ADAMTSL1: variants seen among roughly 807,000 people sequenced by gnomAD.
The protein encoded by ADAMTSL1 is ADAMTS like 1, also known as ADAMTS-like protein 1.
A neutral mutation model predicts 201.8 loss-of-function variants in ADAMTSL1; 126 were observed. The ratio of observed to expected loss-of-function variants is 0.62; its 90% CI spans 0.54 to 0.72. ADAMTSL1 has a LOEUF of 0.72. ADAMTSL1 is among the 30% of genes least tolerant of loss of function. ADAMTSL1 has a pLI of 0.00. For missense variants in ADAMTSL1, 2,679 were observed against 2,277.8 expected, an observed-to-expected ratio of 1.18 and a Z score of -3.59; for synonymous variants, 1,121 against 903.4, an observed-to-expected ratio of 1.24 and a Z score of -4.32.
In ADAMTSL1 at chr9:18,708,922, G is replaced by A. The variant is rs563536507; in HGVS notation, c.1876+1874G>A. ...ATTTGAAGTGTCGAGTGTATGTGGA[G>A]TGTATTTAATTTAAAATGTTTTTAG... On this transcript the variant is annotated intron_variant, in intron 14 of 28. Transcript: ENST00000380548. Among the ~76,000 whole-genome samples, 255 of 152,324 alleles carry A rather than the reference G, an allele frequency of 1.7e-3. 2 individuals are homozygous for A. Among genetic ancestry groups the A allele is most frequent in the African/African-American group, 5.8e-3 (240 of 41,586 alleles).
chr9:18,643,844 G>T (rs1168460990), intron 7 of ADAMTSL1, among the ~76,000 whole-genome samples: 1 of 151,466 alleles, frequency 6.6e-6, no homozygotes, highest in Admixed American at 6.6e-5. Context: ...TTTTGTTCTA[G>T]ATTGCTTTGG....
rs568532571 is a variant in ADAMTSL1, at chr9:18,806,144, C to T, written c.3805+10620C>T. Among the ~76,000 whole-genome samples the T allele has an allele frequency of 1.2e-4, 19 of 152,282 alleles. No homozygotes were observed. In the South Asian group the frequency reaches 2.3e-3, roughly 18 times the overall value. ...GATCCATCCATTCAGGGTCAACAAA[C>T]GTTCATTAAGCCTGGGTTAAATGGC... On this transcript the variant is annotated intron_variant, in intron 20 of 28. Transcript: ENST00000380548.
chr9:18,350,627 A>C (rs1410269909), intron 2 of ADAMTSL1, among the ~76,000 whole-genome samples: 1 of 152,144 alleles, frequency 6.6e-6, no homozygotes, highest in Admixed American at 6.6e-5. Context: ...GGAATAAAGC[A>C]AGTTCTGGAG....
At chr9:18,238,698 T>C (rs1205359560) in intron 2 of ADAMTSL1, among the ~76,000 whole-genome samples, 2 of 152,142 alleles carry the variant, frequency 1.3e-5, no homozygotes, top group East Asian at 3.9e-4. Context: ...TTTCTTTAAG[T>C]TGTGAATTGA....
chr9:18,122,909 T>C (rs533355139), intron 1 of ADAMTSL1, among the ~76,000 whole-genome samples: 1 of 152,250 alleles, frequency 6.6e-6, no homozygotes, highest in East Asian at 1.9e-4. Flanking sequence ...TGGCTAATTT[T>C]TGTACTTTTT....
intron 1 of ADAMTSL1, among the ~76,000 whole-genome samples, chr9:18,136,253 G>A (rs575697289): frequency 1.8e-4 from 28 of 152,248 alleles, no homozygotes; most frequent in South Asian, 1.7e-3. Context: ...AATTAAGAAC[G>A]TCAGAGGTGT....
chr9:18,701,351 C>G (rs952439444), intron 13 of ADAMTSL1, among the ~76,000 whole-genome samples: 2 of 151,700 alleles, frequency 1.3e-5, no homozygotes, highest in African/African-American at 4.8e-5. Context: ...TCCTGAATAG[C>G]TGGGATCACA....
chr9:18,596,617 T>A (rs1824278999), intron 4 of ADAMTSL1, among the ~76,000 whole-genome samples: 1 of 152,220 alleles, frequency 6.6e-6, no homozygotes, highest in Admixed American at 6.5e-5. Context: ...TTCACATATG[T>A]TACCACCTTT....
At position 18,381,984 on chromosome 9, in the gene ADAMTSL1, A is replaced by G. The variant is rs370508947; in HGVS notation, c.208-122845A>G. ...TACTGTTTCTAGACAGGTCAATGAA[A>G]TATTTTTCCTGTACTACATCTTGGC... On this transcript the variant is annotated intron_variant, in intron 2 of 29. Coordinates refer to the ADAMTSL1 transcript ENST00000680146. Among the ~76,000 whole-genome samples the G allele has an allele frequency of 2.0e-5, 3 of 152,272 alleles. No homozygotes were observed. The South Asian group carries it at 6.2e-4, about 32-fold the overall frequency.
intron 1 of ADAMTSL1, among the ~76,000 whole-genome samples, chr9:18,109,930 T>A (rs1824931423): frequency 6.6e-6 from 1 of 152,158 alleles, no homozygotes; most frequent in Admixed American, 6.5e-5. Flanking sequence ...CAGTATCACT[T>A]TTCACTGTTG....
chr9:18,186,171 T>C (rs1304284599), intron 2 of ADAMTSL1, among the ~76,000 whole-genome samples: 1 of 152,176 alleles, frequency 6.6e-6, no homozygotes, highest in Non-Finnish European at 1.5e-5. Context: ...CAAGACAGAA[T>C]GGCTAATGAT....
At chr9:18,071,197 C>T (rs903461442) in intron 1 of ADAMTSL1, among the ~76,000 whole-genome samples, 1 of 152,142 alleles carries the variant, frequency 6.6e-6, no homozygotes, top group Admixed American at 6.5e-5. Flanking sequence ...GACAATAGTC[C>T]CATGAAAACT....
chr9:18,765,088 G>A (rs1013576362), intron 16 of ADAMTSL1, among the ~76,000 whole-genome samples: 2 of 152,168 alleles, frequency 1.3e-5, no homozygotes, highest in Admixed American at 1.3e-4. Flanking sequence ...AATTCACTAA[G>A]AAACTCTAAC....
intron 1 of ADAMTSL1, among the ~76,000 whole-genome samples, chr9:18,048,782 G>T (rs893207919): frequency 2.6e-5 from 4 of 152,170 alleles, no homozygotes; most frequent in African/African-American, 9.7e-5. Flanking sequence ...ACATAGTCAT[G>T]TGCTTCAGGA....
At chr9:18,627,010 C>G (rs1252953225) in intron 5 of ADAMTSL1, among the ~76,000 whole-genome samples, 2 of 149,836 alleles carry the variant, frequency 1.3e-5, no homozygotes, top group East Asian at 2.0e-4. Flanking sequence ...GGGTCTCACT[C>G]TGTCACTGAG....
At chr9:18,219,785 T>A (rs1287233406) in intron 2 of ADAMTSL1, among the ~76,000 whole-genome samples, 1 of 152,170 alleles carries the variant, frequency 6.6e-6, no homozygotes, top group Non-Finnish European at 1.5e-5. Flanking sequence ...TATAAAAATA[T>A]CTTTTTAAAT....
intron 2 of ADAMTSL1, among the ~76,000 whole-genome samples, chr9:18,443,460 A>T (rs1316758923): frequency 6.6e-6 from 1 of 152,226 alleles, no homozygotes; most frequent in Non-Finnish European, 1.5e-5. Flanking sequence ...GTAGATTAAA[A>T]GGCAAAGTTA....
intron 3 of ADAMTSL1, among the ~76,000 whole-genome samples, chr9:18,555,287 A>C (rs1023731279): frequency 1.3e-5 from 2 of 151,912 alleles, no homozygotes; most frequent in Non-Finnish European, 2.9e-5. Context: ...ATCCTTTTAG[A>C]ATCGACTTCC....
intron 1 of ADAMTSL1, among the ~76,000 whole-genome samples, chr9:18,125,553 T>C (rs941711381): frequency 6.6e-6 from 1 of 152,198 alleles, no homozygotes; most frequent in Non-Finnish European, 1.5e-5. Context: ...AGTTTTATAA[T>C]TTTAGCTTTT....
Sources: allele counts gnomAD v4.1 joint callset (sites outside exome capture counted in the v4.1 genomes callset), GRCh38; gene constraint gnomAD v4.1.1; transcripts MANE v1.5; gene names NCBI Gene and HGNC (gene_info 2026-07-23, HGNC 2026-07-21).